The following IPCEF1 variants were observed in gnomAD, a reference collection of about 807,000 sequenced individuals.
IPCEF1 encodes interaction protein for cytohesin exchange factors 1, also known as interactor protein for cytohesin exchange factors 1.
In IPCEF1, 31 loss-of-function variants were observed where a neutral mutation model predicts 50.9. The observed-to-expected ratio is 0.61, with a 90% confidence interval of 0.46 to 0.82. The LOEUF (loss-of-function observed/expected upper bound fraction) is 0.82, where lower values mean the gene tolerates loss of function less well. IPCEF1 is among the 40% of genes least tolerant of loss of function. IPCEF1 has a pLI of 0.00. For missense variants in IPCEF1, 458 were observed against 514.0 expected (o/e 0.89, Z 1.05); for synonymous variants, 181 against 192.0 (o/e 0.94, Z 0.47).
At chr6:154,354,488 CTACCGTCACTTCCACCATCACCTCTACCA>C (rs1784179080) in intron 1 of IPCEF1, among the ~76,000 whole-genome samples, 122 of 149,084 alleles carry the variant, frequency 8.2e-4, no homozygotes, top group Admixed American at 1.3e-3. Flanking sequence ...TCCACCATCT[CTACCGTCACTTCCACCATCACCTCTACCA>C]CTCCAATCAC....
intron 3 of IPCEF1, among the ~76,000 whole-genome samples, chr6:154,250,291 A>C (rs1290316746): frequency 6.6e-6 from 1 of 151,144 alleles, no homozygotes; most frequent in East Asian, 1.9e-4. Context: ...TGAGCATTTT[A>C]TGAGATGGTT....
In IPCEF1 at chr6:154,254,351, C is replaced by T. The variant is rs79945596; in HGVS notation, c.37-6863G>A. On this transcript the variant is annotated intron_variant, in intron 3 of 11. Coordinates refer to ENST00000367220, the MANE Select transcript of IPCEF1 (RefSeq NM_001130700.2). ...GAAGGGGCCTCAGAAAAGTTACGAT[C>T]ATGGTGGAAGGAGAAGGGGTAGAGA... Among the ~76,000 whole-genome samples, 735 of 152,240 alleles carry T rather than the reference C, an allele frequency of 4.8e-3. 6 individuals carry two copies. The highest frequency in any genetic ancestry group is 8.4e-3 in the Non-Finnish European group (571 of 68,008).
rs2128545386 is a variant in IPCEF1, at chr6:154,159,058, A to G, written c.*770T>C. On this transcript the variant is annotated 3_prime_UTR_variant, in exon 12 of 12. Coordinates refer to ENST00000367220, the MANE Select transcript of IPCEF1 (RefSeq NM_001130700.2). ...GAGCAGTAGACATTCTTTGCGGAAC[A>G]TATTCCTATCTCCTACCATTGAGTA... 6.6e-6 allele frequency: 1 copy of G among 152,386 alleles called. No individual in the cohort carries two copies. Among genetic ancestry groups the G allele is most frequent in the East Asian group, 1.9e-4 (1 of 5,192 alleles). The allele number at this position is 152,386 out of a possible 1,614,324, so 9.4% of individuals were successfully genotyped here.
chr6:154,287,213 C>G (rs1184302799), intron 2 of IPCEF1, among the ~76,000 whole-genome samples: 1 of 151,668 alleles, frequency 6.6e-6, no homozygotes, highest in Non-Finnish European at 1.5e-5. Flanking sequence ...AAGATTGTGC[C>G]TATTTCCCCT....
At position 154,279,490 on chromosome 6, in the gene IPCEF1, ATTGTC is replaced by A. The variant is rs3070842; in HGVS notation, c.-18+10218_-18+10222del. ...TCCTACTTTTCCTTCTACGAATTTT[ATTGTC>A]TTGTCTTCCTTATTAGATCTACAAT... On this transcript the variant is annotated intron_variant, in intron 2 of 11. Coordinates refer to ENST00000367220, the MANE Select transcript of IPCEF1 (RefSeq NM_001130700.2). Among the ~76,000 whole-genome samples the A allele has an allele frequency of 8.0e-3, 1,212 of 152,122 alleles. 23 individuals are homozygous for A. The highest frequency in any genetic ancestry group is 0.028 in the African/African-American group (1,163 of 41,482).
intron 11 of IPCEF1, among the ~76,000 whole-genome samples, chr6:154,161,321 C>T (rs921255259): frequency 9.2e-5 from 14 of 151,878 alleles, no homozygotes; most frequent in African/African-American, 3.1e-4. Context: ...AGCGATTCTC[C>T]TGCATCAACC....
chr6:154,247,467 G>A lies in IPCEF1; in HGVS notation c.58C>T (p.Pro20Ser). Residue 20 changes from proline (P) to serine (S), a missense_variant, in exon 4 of 12, where the codon CCC becomes TCC. By Grantham distance (74) the Pro-to-Ser change is moderately conservative (BLOSUM62 -1). Coordinates refer to ENST00000367220, the MANE Select transcript of IPCEF1 (RefSeq NM_001130700.2). ...TAATTACCTTGAGTTTTCCTCCTGG[G>A]CTTCTGACGCAAGGGAACCTGCTGA... ...SALQVPLRQK[P>S]RRKTQGFLTM... 4 of 1,612,416 alleles carry A rather than the reference G, an allele frequency of 2.5e-6. No homozygotes were observed. The highest frequency in any genetic ancestry group is 3.4e-6 in the Non-Finnish European group (4 of 1,178,732).
chr6:154,252,746 A>G (rs1022450752), intron 3 of IPCEF1, among the ~76,000 whole-genome samples: 7 of 152,184 alleles, frequency 4.6e-5, no homozygotes, highest in Non-Finnish European at 5.9e-5. Flanking sequence ...CAGTTTAACT[A>G]TTGTGTGGGG....
chr6:154,238,839 C>T (rs1221456944), intron 5 of IPCEF1, among the ~76,000 whole-genome samples: 1 of 151,958 alleles, frequency 6.6e-6, no homozygotes, highest in Non-Finnish European at 1.5e-5. Flanking sequence ...AGCCACCATG[C>T]CTGGCCCTAT....
At chr6:154,192,711 A>G (rs1054478384) in intron 10 of IPCEF1, among the ~76,000 whole-genome samples, 1 of 152,202 alleles carries the variant, frequency 6.6e-6, no homozygotes, top group Non-Finnish European at 1.5e-5. Flanking sequence ...TAAGGACATG[A>G]ATAGACAGTT....
intron 10 of IPCEF1, among the ~76,000 whole-genome samples, chr6:154,188,107 C>T (rs1801542574): frequency 6.6e-6 from 1 of 151,980 alleles, no homozygotes; most frequent in South Asian, 2.1e-4. Flanking sequence ...TGATCATATA[C>T]ATAAAAAAAT....
chr6:154,340,890 A>AAG (rs1351278551), intron 1 of IPCEF1, among the ~76,000 whole-genome samples: 1 of 141,436 alleles, frequency 7.1e-6, no homozygotes, highest in Non-Finnish European at 1.5e-5. Flanking sequence ...GTCTCAAAAA[A>AAG]AAAAAAAGAA....
At chr6:154,211,820 G>A (rs187227688) in intron 9 of IPCEF1, among the ~76,000 whole-genome samples, 459 of 152,276 alleles carry the variant, frequency 3.0e-3, no homozygotes, top group Non-Finnish European at 4.4e-3. Context: ...AACTATAGCT[G>A]TAGAGCTGAC....
intron 1 of IPCEF1, among the ~76,000 whole-genome samples, chr6:154,352,118 A>G (rs921919789): frequency 5.9e-5 from 9 of 152,204 alleles, no homozygotes; most frequent in African/African-American, 1.9e-4. Flanking sequence ...TATCCTGCAC[A>G]TGCACACTGG....
Position 154,289,260 on chromosome 6 carries a change from T to C in IPCEF1, c.-18+453A>G, listed in dbSNP as rs538826100. On this transcript the variant is annotated intron_variant, in intron 2 of 11. Transcript: ENST00000367220. Reference sequence around the variant, plus strand: ...GGGACATCTTCAGATTGTTTTACTCTTCTACTATAATTATTAAATATAAAT... The same window carrying C: ...GGGACATCTTCAGATTGTTTTACTCCTCTACTATAATTATTAAATATAAAT... 1.2e-4 allele frequency among the ~76,000 whole-genome samples: 18 copies of C among 152,012 alleles called. No homozygotes were observed. The South Asian group carries it at 3.7e-3, about 31-fold the overall frequency.
intron 1 of IPCEF1, among the ~76,000 whole-genome samples, chr6:154,342,512 T>A (rs1017047950): frequency 6.6e-6 from 1 of 152,128 alleles, no homozygotes. Flanking sequence ...GCCTTGACTT[T>A]TGCGACTCAA....
intron 1 of IPCEF1, among the ~76,000 whole-genome samples, chr6:154,305,865 C>A (rs959172280): frequency 6.6e-6 from 1 of 152,192 alleles, no homozygotes; most frequent in African/African-American, 2.4e-5. Flanking sequence ...AGCTCTTGGA[C>A]CTTTGGACTT....
intron 10 of IPCEF1, among the ~76,000 whole-genome samples, chr6:154,190,391 C>CA (rs530793964): frequency 6.6e-6 from 1 of 151,950 alleles, no homozygotes; most frequent in Non-Finnish European, 1.5e-5. Flanking sequence ...ATATAAATAG[C>CA]AAAAAAGCGT....
chr6:154,159,858 A>C lies in IPCEF1; in HGVS notation c.1287T>G (p.Pro429=). Residue 429 remains proline (P), a synonymous_variant, in exon 12 of 12, where the codon CCT becomes CCG. Transcript: ENST00000367220. Reference sequence around the variant, plus strand: ...TGGAATTTTCAACAGAGGGAGAAGAAGGTGATTTCTTGAGTTCCTGGGGGG... The same window carrying C: ...TGGAATTTTCAACAGAGGGAGAAGACGGTGATTTCTTGAGTTCCTGGGGGG... ...DDTPQELKKS[P]SSPSVENSI 1 of 1,611,672 alleles carries C rather than the reference A, an allele frequency of 6.2e-7. No individual in the cohort carries two copies. Among genetic ancestry groups the C allele is most frequent in the Non-Finnish European group, 8.5e-7 (1 of 1,179,506 alleles).
Sources: gnomAD v4.1 joint callset for allele counts (sites outside exome capture counted in the v4.1 genomes callset) on GRCh38, gnomAD v4.1.1 for gene constraint, MANE v1.5 for transcripts, NCBI Gene and HGNC (gene_info 2026-07-23, HGNC 2026-07-21) for gene names.